Variants in PRKG1 observed in about 807,000 individuals in gnomAD.
PRKG1 encodes the protein protein kinase cGMP-dependent 1.
Under a neutral mutation model 88.1 loss-of-function variants are expected in PRKG1, and 35 were observed. The observed-to-expected ratio is 0.40, with a 90% CI of 0.30 to 0.53. PRKG1 has a LOEUF of 0.53. PRKG1 is among the 20% of genes least tolerant of loss of function. PRKG1 has a pLI of 0.59. For missense variants in PRKG1, 540 were observed against 839.8 expected (o/e 0.64, Z 4.41); for synonymous variants, 303 against 292.5 (o/e 1.04, Z -0.37).
At chr10:52,281,748 G>A (rs567745544) in intron 13 of PRKG1, among the ~76,000 whole-genome samples, 10 of 152,040 alleles carry the variant, frequency 6.6e-5, no homozygotes, top group Admixed American at 1.3e-4. Flanking sequence ...ATGAATTGTC[G>A]CCTTCATTAA....
At chr10:51,822,868 C>T (rs1589321481) in intron 4 of PRKG1, among the ~76,000 whole-genome samples, 1 of 152,068 alleles carries the variant, frequency 6.6e-6, no homozygotes, top group African/African-American at 2.4e-5. Context: ...GTTTTGCATA[C>T]AGCTGATTTT....
intron 2 of PRKG1, among the ~76,000 whole-genome samples, chr10:51,374,174 T>A (rs1462411368): frequency 1.3e-5 from 2 of 149,926 alleles, no homozygotes; most frequent in Admixed American, 6.7e-5. Context: ...GGTATACACA[T>A]GCCATGCACC....
At chr10:51,849,389 G>A (rs1840488067) in intron 4 of PRKG1, among the ~76,000 whole-genome samples, 1 of 152,156 alleles carries the variant, frequency 6.6e-6, no homozygotes, top group African/African-American at 2.4e-5. Context: ...GGTACTCAAT[G>A]AATATGGATT....
intron 3 of PRKG1, among the ~76,000 whole-genome samples, chr10:51,793,019 A>G (rs1838908901): frequency 6.6e-6 from 1 of 151,860 alleles, no homozygotes; most frequent in Admixed American, 6.6e-5. Flanking sequence ...AAATCAGAGA[A>G]TCATGGCATT....
At chr10:52,234,194 T>C (rs532766058) in intron 9 of PRKG1, among the ~76,000 whole-genome samples, 2 of 151,982 alleles carry the variant, frequency 1.3e-5, no homozygotes, top group South Asian at 4.2e-4. Context: ...CAAAAGTAGA[T>C]AAAACCACAA....
intron 1 of PRKG1, among the ~76,000 whole-genome samples, chr10:51,090,644 G>A (rs902048463): frequency 6.6e-6 from 1 of 152,140 alleles, no homozygotes; most frequent in Non-Finnish European, 1.5e-5. Flanking sequence ...AAGACAGGAA[G>A]TGTTAGTATT....
intron 3 of PRKG1, among the ~76,000 whole-genome samples, chr10:51,679,547 T>G (rs1016953008): frequency 1.3e-5 from 2 of 152,060 alleles, no homozygotes; most frequent in African/African-American, 4.8e-5. Context: ...CCTATAACTT[T>G]CAGCATAAAG....
At chr10:51,293,963 T>C (rs1840650655) in intron 2 of PRKG1, among the ~76,000 whole-genome samples, 1 of 152,198 alleles carries the variant, frequency 6.6e-6, no homozygotes, top group African/African-American at 2.4e-5. Context: ...TGGATTTTCC[T>C]GATGGTCAGT....
chr10:51,364,545 T>A (rs1050368007), intron 2 of PRKG1, among the ~76,000 whole-genome samples: 2 of 151,918 alleles, frequency 1.3e-5, no homozygotes, highest in South Asian at 2.1e-4. Flanking sequence ...CTGTGTAAAT[T>A]GGAGATAGGA....
At chr10:51,097,985 G>A (rs866062348) in intron 1 of PRKG1, among the ~76,000 whole-genome samples, 2 of 152,080 alleles carry the variant, frequency 1.3e-5, no homozygotes, top group South Asian at 2.1e-4. Flanking sequence ...GAAGTATCAC[G>A]GAAAGATCAT....
chr10:51,827,428 G>T (rs1044937111), intron 4 of PRKG1, among the ~76,000 whole-genome samples: 2 of 152,000 alleles, frequency 1.3e-5, no homozygotes, highest in Non-Finnish European at 2.9e-5. Flanking sequence ...ACACTGAAAT[G>T]GTTCTATGAA....
At chr10:51,068,253 G>T (rs1843779578) in intron 1 of PRKG1, among the ~76,000 whole-genome samples, 1 of 151,978 alleles carries the variant, frequency 6.6e-6, no homozygotes. Context: ...GAAGCTAGGT[G>T]ATATTTACAT....
chr10:51,147,034 C>T (rs965574485), intron 1 of PRKG1, among the ~76,000 whole-genome samples: 16 of 152,032 alleles, frequency 1.1e-4, no homozygotes, highest in Non-Finnish European at 1.9e-4. Context: ...TAAGTGAAAT[C>T]GGTCAGTCAC....
At chr10:51,980,076 T>G (rs993975133) in intron 5 of PRKG1, among the ~76,000 whole-genome samples, 4 of 152,244 alleles carry the variant, frequency 2.6e-5, no homozygotes, top group Admixed American at 2.6e-4. Flanking sequence ...GATGTTAAGT[T>G]GTTAATTTGA....
chr10:52,195,240 T>G (rs866028866), intron 9 of PRKG1, among the ~76,000 whole-genome samples: 2,040 of 152,110 alleles, frequency 0.013, 52 homozygotes, highest in African/African-American at 0.047. Context: ...TTTGTTTTTT[T>G]TTTTCTCTTT....
chr10:51,288,523 C>G (rs138606890), intron 2 of PRKG1, among the ~76,000 whole-genome samples: 56 of 152,270 alleles, frequency 3.7e-4, no homozygotes, highest in Middle Eastern at 3.4e-3. Flanking sequence ...TATGGACCCA[C>G]AGTCATCAAA....
intron 1 of PRKG1, among the ~76,000 whole-genome samples, chr10:51,055,282 C>G (rs775316291): frequency 3.9e-5 from 6 of 152,146 alleles, no homozygotes; most frequent in Non-Finnish European, 7.4e-5. Flanking sequence ...CATGCAAAAT[C>G]AGAGTTAGAG....
chr10:51,069,418 A>G (rs926249183), intron 1 of PRKG1, among the ~76,000 whole-genome samples: 7 of 152,074 alleles, frequency 4.6e-5, no homozygotes, highest in Admixed American at 6.5e-5. Context: ...AATAGCAGGC[A>G]CTTGAATCCC....
intron 5 of PRKG1, among the ~76,000 whole-genome samples, chr10:51,953,250 A>T (rs1564725668): frequency 6.6e-6 from 1 of 152,160 alleles, no homozygotes; most frequent in Non-Finnish European, 1.5e-5. Context: ...AAATAATATA[A>T]AAGTGGTTCA....
Sources: gnomAD v4.1 joint callset for allele counts (sites outside exome capture counted in the v4.1 genomes callset) on GRCh38, gnomAD v4.1.1 for gene constraint, MANE v1.5 for transcripts, NCBI Gene and HGNC (gene_info 2026-07-23, HGNC 2026-07-21) for gene names.